SLC26A2: variants seen among roughly 807,000 people sequenced by gnomAD.
SLC26A2 encodes sulfate transporter.
SLC26A2 carries 36 observed loss-of-function variants against 41.1 expected under a neutral mutation model. The ratio of observed to expected loss-of-function variants is 0.88; its 90% CI spans 0.67 to 1.16. The LOEUF (loss-of-function observed/expected upper bound fraction) is 1.16. Ranked by LOEUF, SLC26A2 falls within the 50% of genes most tolerant of loss-of-function variation. The probability of loss-of-function intolerance (pLI) is 0.00; values close to 1 mark genes in which losing one functional copy is unlikely to be tolerated. For missense variants in SLC26A2, 796 were observed against 869.6 expected (o/e 0.92, Z 1.07); for synonymous variants, 291 against 311.6 (o/e 0.93, Z 0.70).
chr5:149,977,930 T>A lies in SLC26A2; in HGVS notation c.278T>A (p.Leu93His). 6.2e-7 allele frequency: 1 copy of A among 1,614,244 alleles called. No individual in the cohort carries two copies. Among genetic ancestry groups the A allele is most frequent in the Non-Finnish European group, 8.5e-7 (1 of 1,180,040 alleles). ...GCCAAAAATATGATTTTAGGTTTCC[T>A]TCCTGTTTTGCAGTGGCTCCCAAAA... ...AKAKNMILGF[L>H]PVLQWLPKYD... Residue 93 changes from leucine to histidine, a missense_variant, in exon 2 of 3, where the codon CTT becomes CAT. Physicochemically the swap from Leu to His is moderately conservative, Grantham distance 99. Coordinates refer to ENST00000286298, the MANE Select transcript of SLC26A2 (RefSeq NM_000112.4).
At chr5:149,971,210 T>C (rs1233232314) in intron 1 of SLC26A2, among the ~76,000 whole-genome samples, 1 of 152,204 alleles carries the variant, frequency 6.6e-6, no homozygotes, top group Non-Finnish European at 1.5e-5. Context: ...TGTGCCATCC[T>C]GGTTGTAGGC....
In SLC26A2 at chr5:149,980,957, T is replaced by C; in HGVS notation, c.1364T>C (p.Leu455Pro). Residue 455 changes from leucine to proline, a missense_variant, in exon 3 of 3, where the codon CTT (leucine) becomes CCT (proline). Physicochemically the swap from Leu to Pro is moderately conservative, Grantham distance 98. Coordinates refer to ENST00000286298, the MANE Select transcript of SLC26A2 (RefSeq NM_000112.4). ...VKESTGCHTQ[L>P]SGVVTALVLL... is the part of the protein sequence containing the mutation. ...GAATCAACAGGCTGCCATACTCAGC[T>C]TTCTGGTGTGGTAACAGCCCTGGTT... is the stretch of plus-strand genomic sequence containing the variant. 6.2e-7 allele frequency: 1 copy of C among 1,614,168 alleles called. No homozygotes were observed. The highest frequency in any genetic ancestry group is 8.5e-7 in the Non-Finnish European group (1 of 1,180,018).
rs753669585 is a variant in SLC26A2 at position 149,977,731 on chromosome 5, A to G, written c.79A>G (p.Ile27Val). The change falls in exon 2 of 3, where the codon ATC becomes GTC. Residue 27 changes from isoleucine to valine, a missense_variant. Transcript: ENST00000286298. The part of the protein sequence containing the change: ...AEGNDSYPSG[I>V]HLELQRESST... ...AGGAAATGACAGTTATCCATCTGGG[A>G]TCCATCTGGAACTTCAAAGGGAATC... 4 of 1,613,598 alleles carry G rather than the reference A, an allele frequency of 2.5e-6. No homozygotes were observed. The African/African-American group carries it at 4.0e-5, about 16-fold the overall frequency.
At position 149,979,864 on chromosome 5, in the gene SLC26A2, G is replaced by C. The variant is rs114360056; in HGVS notation, c.700-429G>C. Among the ~76,000 whole-genome samples, 345 of 152,288 alleles carry C rather than the reference G, an allele frequency of 2.3e-3. 1 individual carries two copies. The highest frequency in any genetic ancestry group is 8.1e-3 in the African/African-American group (335 of 41,552). ...CGTAAGACTTCACTTTTACAGTAGT[G>C]ATTTGTAATTTAAGGAAAATACTTG... On this transcript the variant is annotated intron_variant, in intron 2 of 2. Coordinates refer to ENST00000286298, the MANE Select transcript of SLC26A2 (RefSeq NM_000112.4).
rs1755150000 is a variant in SLC26A2 at position 149,983,983 on chromosome 5, G to A, written c.*2170G>A. The A allele has an allele frequency of 6.6e-6, 1 of 152,228 alleles. No individual in the cohort carries two copies. The highest frequency in any genetic ancestry group is 1.9e-4 in the East Asian group (1 of 5,196). The allele number at this position is 152,228 out of a possible 1,614,324, so 9.4% of individuals were successfully genotyped here. On this transcript the variant is annotated 3_prime_UTR_variant, in exon 3 of 3. Coordinates refer to ENST00000286298, the MANE Select transcript of SLC26A2 (RefSeq NM_000112.4). ...GACAGAGTAATGAGTACATGCTTAA[G>A]ATGTTATAATTAGCCAACACCAACA...
At chr5:149,976,572 A>G (rs545357721) in intron 1 of SLC26A2, among the ~76,000 whole-genome samples, 2 of 152,268 alleles carry the variant, frequency 1.3e-5, no homozygotes, top group Admixed American at 6.5e-5. Context: ...TAAACAATTT[A>G]TGTTCTATTC....
chr5:149,972,982 A>C (rs544166527), intron 1 of SLC26A2, among the ~76,000 whole-genome samples: 25 of 151,988 alleles, frequency 1.6e-4, no homozygotes, highest in African/African-American at 5.8e-4. Flanking sequence ...ATGTTTAATC[A>C]GAGCCTATGT....
Position 149,980,855 on chromosome 5 carries a change from T to C in SLC26A2, c.1262T>C (p.Ile421Thr), listed in dbSNP as rs765209461. 6.2e-7 allele frequency: 1 copy of C among 1,614,146 alleles called. No homozygotes were observed. Among genetic ancestry groups the C allele is most frequent in the East Asian group, 2.2e-5 (1 of 44,882 alleles). The change falls in exon 3 of 3, where the codon ATT (isoleucine) becomes ACT (threonine). Residue 421 changes from isoleucine to threonine, a missense_variant. Physicochemically the swap from Ile to Thr is moderately conservative, Grantham distance 89. Coordinates refer to ENST00000286298, the MANE Select transcript of SLC26A2 (RefSeq NM_000112.4). ...AAAGCAAACCAGGAAATGTATGCCA[T>C]TGGCTTTTGTAATATCATCCCTTCC... ...TVKANQEMYAIGFCNIIPSFF... is the reference protein window; with the variant it reads ...TVKANQEMYATGFCNIIPSFF...
chr5:149,972,035 C>T (rs986601406), intron 1 of SLC26A2, among the ~76,000 whole-genome samples: 18 of 152,206 alleles, frequency 1.2e-4, no homozygotes, highest in African/African-American at 4.3e-4. Context: ...TTTCCTCCAA[C>T]ATTAGAACTA....
chr5:149,980,586 A>G lies in SLC26A2; in HGVS notation c.993A>G (p.Ala331=). 1 of 1,614,198 alleles carries G rather than the reference A, an allele frequency of 6.2e-7. No individual in the cohort carries two copies. The highest frequency in any genetic ancestry group is 8.5e-7 in the Non-Finnish European group (1 of 1,180,028). The change falls in exon 3 of 3, where the codon GCA becomes GCG. Residue 331 remains alanine (A), a synonymous_variant. Transcript: ENST00000286298. ...AACACTTCAAATCCAAGCTTAAGGC[A>G]CCGATTCCTATTGAACTTGTTGTTG... ...LNEHFKSKLK[A]PIPIELVVVV...
chr5:149,966,039 G>A (rs888487865), intron 1 of SLC26A2, among the ~76,000 whole-genome samples: 4 of 152,164 alleles, frequency 2.6e-5, no homozygotes, highest in Admixed American at 1.3e-4. Context: ...CAAGTAGCAG[G>A]GATTATAGGC....
At position 149,977,875 on chromosome 5, in the gene SLC26A2, C is replaced by T; in HGVS notation, c.223C>T (p.Gln75Ter). 6.2e-7 allele frequency: 1 copy of T among 1,614,124 alleles called. No individual in the cohort carries two copies. The highest frequency in any genetic ancestry group is 8.5e-7 in the Non-Finnish European group (1 of 1,179,976). ...CAAGGAGTTTGTTATTAAAAAGCTG[C>T]AGAAGAATTGCCAGTGCAGTCCAGC... Reference protein sequence around the residue: ...NFKEFVIKKLQKNCQCSPAKA... With the variant: ...NFKEFVIKKL The change falls in exon 2 of 3, where the codon CAG becomes TAG. Residue 75 changes from glutamine to a stop codon, truncating the protein, a stop_gained. Coordinates refer to ENST00000286298, the MANE Select transcript of SLC26A2 (RefSeq NM_000112.4). LOFTEE classifies it high-confidence loss of function.
chr5:149,978,045 G>C lies in SLC26A2; in HGVS notation c.393G>C (p.Leu131=). 6.2e-7 allele frequency: 1 copy of C among 1,613,538 alleles called. No individual in the cohort carries two copies. Among genetic ancestry groups the C allele is most frequent in the Admixed American group, 1.7e-5 (1 of 59,968 alleles). ...LLVPQSIAYS[L]LAGQEPVYGL... Reference sequence around the variant, plus strand: ...TGCCCCAGTCCATTGCTTATTCCCTGCTGGCTGGCCAAGAACCTGTCTATG... The same window carrying C: ...TGCCCCAGTCCATTGCTTATTCCCTCCTGGCTGGCCAAGAACCTGTCTATG... Residue 131 remains leucine, a synonymous_variant, in exon 2 of 3, where the codon CTG becomes CTC. Transcript: ENST00000286298.
intron 1 of SLC26A2, among the ~76,000 whole-genome samples, chr5:149,967,048 C>T (rs1271873472): frequency 6.6e-6 from 1 of 152,082 alleles, no homozygotes; most frequent in Non-Finnish European, 1.5e-5. Context: ...TCCATAATAC[C>T]AGCTAATCTG....
rs1172980639 is a variant in SLC26A2 at position 149,984,277 on chromosome 5, G to C, written c.*2464G>C. On this transcript the variant is annotated 3_prime_UTR_variant, in exon 3 of 3. Transcript: ENST00000286298. ...TTTCATCCTCTCTACTTGGGTTGAG[G>C]TTGCCTATACTTGCATATTGTTAAA... is the stretch of plus-strand genomic sequence containing the variant. 1 of 152,190 alleles carries C rather than the reference G, an allele frequency of 6.6e-6. No homozygotes were observed. Among genetic ancestry groups the C allele is most frequent in the Non-Finnish European group, 1.5e-5 (1 of 68,032 alleles). The allele number at this position is 152,190 out of a possible 1,614,324, so 9.4% of individuals were successfully genotyped here.
intron 1 of SLC26A2, among the ~76,000 whole-genome samples, chr5:149,973,580 G>A (rs74472199): frequency 6.6e-6 from 1 of 151,140 alleles, no homozygotes; most frequent in South Asian, 2.1e-4. Flanking sequence ...TATGGTGCTG[G>A]TCTGCTGGCC....
chr5:149,977,879 A>C lies in SLC26A2; in HGVS notation c.227A>C (p.Lys76Thr). 6.2e-7 allele frequency: 1 copy of C among 1,614,158 alleles called. No homozygotes were observed. Among genetic ancestry groups the C allele is most frequent in the East Asian group, 2.2e-5 (1 of 44,890 alleles). ...FKEFVIKKLQ[K>T]NCQCSPAKAK... Reference sequence around the variant, plus strand: ...GAGTTTGTTATTAAAAAGCTGCAGAAGAATTGCCAGTGCAGTCCAGCCAAA... The same window carrying C: ...GAGTTTGTTATTAAAAAGCTGCAGACGAATTGCCAGTGCAGTCCAGCCAAA... The change falls in exon 2 of 3, where the codon AAG becomes ACG. Residue 76 changes from lysine (K) to threonine (T), a missense_variant. By Grantham distance (78) the Lys-to-Thr change is moderately conservative. Coordinates refer to ENST00000286298, the MANE Select transcript of SLC26A2 (RefSeq NM_000112.4).
chr5:149,967,332 A>G (rs769572908), intron 1 of SLC26A2, among the ~76,000 whole-genome samples: 9 of 152,236 alleles, frequency 5.9e-5, no homozygotes, highest in Non-Finnish European at 1.0e-4. Context: ...TGTCACCACA[A>G]TCAAGATAGT....
chr5:149,961,171 C>A (rs1261501872), intron 1 of SLC26A2, among the ~76,000 whole-genome samples, 192 bp downstream of exon 1: 1 of 152,246 alleles, frequency 6.6e-6, no homozygotes, highest in Non-Finnish European at 1.5e-5. Context: ...AGTGGCACTG[C>A]ACCCTGGTGA....
Sources: allele counts gnomAD v4.1 joint callset (sites outside exome capture counted in the v4.1 genomes callset), GRCh38; gene constraint gnomAD v4.1.1; transcripts MANE v1.5; gene names NCBI Gene and HGNC (gene_info 2026-07-23, HGNC 2026-07-21).